The following SDK1 variants were observed in gnomAD, a reference collection of about 807,000 sequenced individuals.
SDK1 encodes the protein protein sidekick-1.
In SDK1, 157 loss-of-function variants were observed where a neutral mutation model predicts 245.5. The observed-to-expected ratio is 0.64, with a 90% confidence interval of 0.56 to 0.73. The LOEUF (loss-of-function observed/expected upper bound fraction) is 0.73. Among genes scored for constraint, SDK1 ranks in the 30% least tolerant of loss-of-function variants. The probability of loss-of-function intolerance (pLI) is 0.00; values close to 1 mark genes in which losing one functional copy is unlikely to be tolerated. For missense variants in SDK1, 3,583 were observed against 3,002.3 expected (o/e 1.19, Z -4.52); for synonymous variants, 1,647 against 1,278.5 (o/e 1.29, Z -6.15).
chr7:3,361,967 T>C (rs1780964640), intron 1 of SDK1, among the ~76,000 whole-genome samples: 1 of 152,212 alleles, frequency 6.6e-6, no homozygotes. Flanking sequence ...TTTCTCCACA[T>C]TGAGTTATGT....
chr7:3,708,146 G>C (rs1215968971), intron 4 of SDK1, among the ~76,000 whole-genome samples: 1 of 152,144 alleles, frequency 6.6e-6, no homozygotes, highest in Admixed American at 6.6e-5. Context: ...GACAGGAACA[G>C]GAGCAAGAGA....
intron 1 of SDK1, among the ~76,000 whole-genome samples, chr7:3,495,749 C>T (rs1410494603): frequency 1.3e-5 from 2 of 152,246 alleles, no homozygotes; most frequent in Non-Finnish European, 2.9e-5. Context: ...CGAGGCGAGA[C>T]AGCAAGTGCT....
chr7:3,824,644 A>G (rs1045472287), intron 5 of SDK1, among the ~76,000 whole-genome samples: 3 of 152,240 alleles, frequency 2.0e-5, no homozygotes, highest in Non-Finnish European at 4.4e-5. Context: ...CCCAGCTAAC[A>G]GGAGGAAATA....
In SDK1 at chr7:4,105,071, C is replaced by T. The variant is rs138437141; in HGVS notation, c.3325-5592C>T. Among the ~76,000 whole-genome samples the T allele has an allele frequency of 1.6e-3, 247 of 152,250 alleles. 1 individual carries two copies. The East Asian group carries it at 0.036, about 22-fold the overall frequency. On this transcript the variant is annotated intron_variant, in intron 22 of 44. Coordinates refer to ENST00000404826, the MANE Select transcript of SDK1 (RefSeq NM_152744.4). ...AATCTCAGCTCACAGCAACCTCCAC[C>T]TCCCAAGTTCAAGCAATTCTCCTGC...
At chr7:3,987,408 C>T in intron 14 of SDK1, 86 bp downstream of exon 14, 1 of 1,409,530 alleles carries the variant, frequency 7.1e-7, no homozygotes. Flanking sequence ...ACTTCTGGGT[C>T]AGACCCAAAA....
chr7:3,607,194 G>A (rs957300700), intron 1 of SDK1, among the ~76,000 whole-genome samples: 2 of 151,720 alleles, frequency 1.3e-5, no homozygotes, highest in Admixed American at 6.6e-5. Flanking sequence ...TTGTGCTGCT[G>A]CTGCTGATCA....
At chr7:4,260,861 G>C (rs1052322275) in intron 44 of SDK1, among the ~76,000 whole-genome samples, 6 of 151,718 alleles carry the variant, frequency 4.0e-5, no homozygotes, top group African/African-American at 1.5e-4. Flanking sequence ...TGTGTTCATC[G>C]TCACCTGATG....
chr7:3,522,434 G>A (rs1005852452), intron 1 of SDK1, among the ~76,000 whole-genome samples: 1 of 152,170 alleles, frequency 6.6e-6, no homozygotes, highest in African/African-American at 2.4e-5. Flanking sequence ...AACAATTTAA[G>A]AGAATCTTCA....
At chr7:3,957,465 C>G (rs963060398) in intron 7 of SDK1, among the ~76,000 whole-genome samples, 2 of 152,098 alleles carry the variant, frequency 1.3e-5, no homozygotes, top group African/African-American at 2.4e-5. Context: ...TGCACGGACT[C>G]GACAGTTTTC....
chr7:3,752,463 A>G (rs746038096), intron 4 of SDK1, among the ~76,000 whole-genome samples: 8 of 152,220 alleles, frequency 5.3e-5, no homozygotes, highest in Non-Finnish European at 1.2e-4. Flanking sequence ...AAGAAGAGTC[A>G]TGGGGAAACT....
intron 5 of SDK1, among the ~76,000 whole-genome samples, chr7:3,841,511 T>A (rs1780157407): frequency 6.6e-6 from 1 of 152,146 alleles, no homozygotes; most frequent in Non-Finnish European, 1.5e-5. Flanking sequence ...GAGCTCCAGG[T>A]GGCTAGAACC....
At chr7:3,830,416 A>G (rs917474474) in intron 5 of SDK1, among the ~76,000 whole-genome samples, 1 of 151,230 alleles carries the variant, frequency 6.6e-6, no homozygotes, top group Admixed American at 6.6e-5. Flanking sequence ...TTAAATTATT[A>G]TATTCAGATA....
chr7:3,586,820 G>A (rs1235332354), intron 1 of SDK1, among the ~76,000 whole-genome samples: 1 of 152,192 alleles, frequency 6.6e-6, no homozygotes, highest in Non-Finnish European at 1.5e-5. Flanking sequence ...TGTTTTGGGG[G>A]CAAGGGGAAA....
intron 38 of SDK1, among the ~76,000 whole-genome samples, chr7:4,210,729 G>A (rs1472635996): frequency 6.6e-6 from 1 of 152,220 alleles, no homozygotes; most frequent in Non-Finnish European, 1.5e-5. Flanking sequence ...GAGGACCTGG[G>A]AAAGCCAGGA....
At chr7:3,950,884 CT>C in intron 5 of SDK1, 38 bp from the exon 6 acceptor site, 7 of 1,533,890 alleles carry the variant, frequency 4.6e-6, no homozygotes, top group Non-Finnish European at 6.3e-6. Flanking sequence ...TGCTCCTGTA[CT>C]TAGAGTTTCA....
intron 19 of SDK1, among the ~76,000 whole-genome samples, chr7:4,057,283 C>T (rs947891329): frequency 6.6e-6 from 1 of 152,196 alleles, no homozygotes; most frequent in Non-Finnish European, 1.5e-5. Context: ...GTATGAGCAA[C>T]ACTATCCAGG....
At chr7:3,742,521 T>C (rs977760816) in intron 4 of SDK1, among the ~76,000 whole-genome samples, 1 of 152,154 alleles carries the variant, frequency 6.6e-6, no homozygotes, top group African/African-American at 2.4e-5. Context: ...TCTCCCGACA[T>C]TTGCATATTT....
intron 1 of SDK1, among the ~76,000 whole-genome samples, chr7:3,499,609 C>T (rs1188143359): frequency 1.3e-5 from 2 of 152,160 alleles, no homozygotes; most frequent in African/African-American, 2.4e-5. Context: ...TTGCATAAAG[C>T]AGTGTATTGT....
intron 35 of SDK1, among the ~76,000 whole-genome samples, chr7:4,193,139 T>G (rs1427920872): frequency 7.6e-6 from 1 of 131,264 alleles, no homozygotes; most frequent in Non-Finnish European, 1.5e-5. Context: ...TATAAATATA[T>G]TAATATATTT....
Sources: gnomAD v4.1 joint callset for allele counts (sites outside exome capture counted in the v4.1 genomes callset) on GRCh38, gnomAD v4.1.1 for gene constraint, MANE v1.5 for transcripts, NCBI Gene and HGNC (gene_info 2026-07-23, HGNC 2026-07-21) for gene names.